The following STK32A variants were observed in gnomAD, a reference collection of about 807,000 sequenced individuals.
STK32A encodes serine/threonine kinase 32A.
Under a neutral mutation model 53.2 loss-of-function variants are expected in STK32A, and 41 were observed. That is an observed-to-expected ratio of 0.77 (90% confidence interval 0.60 to 1.00). The LOEUF is 1.00. Among genes scored for constraint, STK32A ranks in the 50% least tolerant of loss-of-function variants. The pLI is 0.00. For synonymous variants in STK32A, 166 were observed against 162.8 expected (o/e 1.02, Z -0.15); for missense variants, 458 against 485.8 (o/e 0.94, Z 0.54).
chr5:147,363,515 A>T (rs1201196690), intron 8 of STK32A, among the ~76,000 whole-genome samples: 1 of 152,118 alleles, frequency 6.6e-6, no homozygotes, highest in African/African-American at 2.4e-5. Flanking sequence ...TGCACTCTGG[A>T]CCTGTAGTGG....
chr5:147,266,212 T>C (rs944173087), intron 2 of STK32A, among the ~76,000 whole-genome samples: 1 of 152,122 alleles, frequency 6.6e-6, no homozygotes, highest in African/African-American at 2.4e-5. Context: ...CTTAGGAGAG[T>C]TGGCGGTTGT....
In STK32A at chr5:147,381,675, T is replaced by C. The variant is rs149732571; in HGVS notation, c.1033-1766T>C. Among the ~76,000 whole-genome samples, 24 of 152,108 alleles carry C rather than the reference T, an allele frequency of 1.6e-4. No individual in the cohort carries two copies. The East Asian group carries it at 4.1e-3, about 26-fold the overall frequency. On this transcript the variant is annotated intron_variant, in intron 11 of 12. Transcript: ENST00000397936. ...AAAAAAGGAAAGTTTGATTATATTA[T>C]GTGTCAATGTGGGTCTTTTTGAATT...
intron 4 of STK32A, among the ~76,000 whole-genome samples, chr5:147,280,411 G>A (rs1417191638): frequency 2.0e-5 from 3 of 151,104 alleles, no homozygotes; most frequent in African/African-American, 7.3e-5. Flanking sequence ...TGTGTTGGCG[G>A]GGGAGGGGGG....
chr5:147,236,900 A>G (rs1753346765), intron 1 of STK32A, among the ~76,000 whole-genome samples: 1 of 152,216 alleles, frequency 6.6e-6, no homozygotes, highest in Admixed American at 6.5e-5. Context: ...GTGTGAAGAA[A>G]GATATAAGAA....
intron 12 of STK32A, 74 bp downstream of exon 12, chr5:147,383,579 A>G: frequency 8.5e-7 from 1 of 1,178,048 alleles, no homozygotes; most frequent in Non-Finnish European, 1.2e-6. Context: ...TGCAGAGAAA[A>G]TATATTTTTA....
chr5:147,243,583 C>CA lies in STK32A; in HGVS notation c.52+3905dup, dbSNP rs55986995. 3.6e-5 allele frequency among the ~76,000 whole-genome samples: 5 copies of CA among 138,424 alleles called. 1 individual carries two copies. The highest frequency in any genetic ancestry group is 2.1e-4 in the East Asian group (1 of 4,826). The allele number at this position is 138,424 out of a possible 152,430, so 90.8% of individuals were successfully genotyped here. On this transcript the variant is annotated intron_variant, in intron 2 of 12. Transcript: ENST00000397936. ...GAAACCCCATCTCTACTAAAAAATA[C>CA]AAAAAAAATTAGCTGGGCATGCCAG... is the stretch of plus-strand genomic sequence containing the variant.
At chr5:147,262,357 T>C (rs966809395) in intron 2 of STK32A, among the ~76,000 whole-genome samples, 1 of 152,148 alleles carries the variant, frequency 6.6e-6, no homozygotes, top group African/African-American at 2.4e-5. Flanking sequence ...AATATATGTC[T>C]AAAAATGATT....
Position 147,314,507 on chromosome 5 carries a change from C to CAAAAAAAACAAAAAAAAAAAA in STK32A, c.261-9383_261-9382insCAAAAAAAAAAAAAAAAAAAA, listed in dbSNP as rs1561713376. On this transcript the variant is annotated intron_variant, in intron 4 of 12. Coordinates refer to ENST00000397936, the MANE Select transcript of STK32A (RefSeq NM_001112724.2). ...GAGCGAAACTCCATATCAAAAAAAA[C>CAAAAAAAACAAAAAAAAAAAA]AAAAAAAAACAAAAAAAAACAAAAA... Among the ~76,000 whole-genome samples the CAAAAAAAACAAAAAAAAAAAA allele has an allele frequency of 1.3e-3, 16 of 12,766 alleles. 1 individual carries two copies. Among genetic ancestry groups the CAAAAAAAACAAAAAAAAAAAA allele is most frequent in the Admixed American group, 2.1e-3 (2 of 950 alleles). 8.4% of individuals were successfully genotyped at this position (12,766 alleles called of 152,430 possible).
rs1228299590 is a variant in STK32A, at chr5:147,299,251, T to C, written c.260+19853T>C. ...ATCATATAGGGTAACTTCCTGACAT[T>C]GCCATGGCATTTGTAAACTGTCATG... On this transcript the variant is annotated intron_variant, in intron 4 of 12. Coordinates refer to ENST00000397936, the MANE Select transcript of STK32A (RefSeq NM_001112724.2). 2.6e-5 allele frequency among the ~76,000 whole-genome samples: 4 copies of C among 152,130 alleles called. No individual in the cohort carries two copies. In the East Asian group the frequency reaches 7.7e-4, roughly 29 times the overall value.
At chr5:147,339,392 G>A (rs142172150) in intron 5 of STK32A, among the ~76,000 whole-genome samples, 36 of 152,326 alleles carry the variant, frequency 2.4e-4, no homozygotes, top group South Asian at 6.2e-4. Flanking sequence ...TAGATGTCCC[G>A]ACAGAGTTGT....
At chr5:147,238,614 T>C (rs1243598014) in intron 1 of STK32A, among the ~76,000 whole-genome samples, 1 of 152,172 alleles carries the variant, frequency 6.6e-6, no homozygotes, top group Non-Finnish European at 1.5e-5. Flanking sequence ...TATGAAAATG[T>C]TTTGTGTATT....
intron 4 of STK32A, among the ~76,000 whole-genome samples, chr5:147,304,878 G>A (rs1753327401): frequency 6.6e-6 from 1 of 152,128 alleles, no homozygotes; most frequent in Non-Finnish European, 1.5e-5. Flanking sequence ...GGGAGGCTGA[G>A]GCAGGAGGAT....
chr5:147,333,337 T>C (rs984581431), intron 5 of STK32A, among the ~76,000 whole-genome samples: 1 of 152,230 alleles, frequency 6.6e-6, no homozygotes, highest in African/African-American at 2.4e-5. Flanking sequence ...TAGATATATA[T>C]AATGCATATA....
intron 4 of STK32A, among the ~76,000 whole-genome samples, chr5:147,291,339 C>G (rs953529718): frequency 1.3e-5 from 2 of 152,038 alleles, no homozygotes; most frequent in Admixed American, 6.6e-5. Context: ...AAGGATGAGT[C>G]TTAGTGGGGA....
intron 5 of STK32A, among the ~76,000 whole-genome samples, chr5:147,337,210 C>T (rs1755178278): frequency 6.6e-6 from 1 of 152,168 alleles, no homozygotes. Flanking sequence ...TTCAGCAGGA[C>T]ATGGCTCTTT....
intron 4 of STK32A, among the ~76,000 whole-genome samples, chr5:147,321,508 G>T (rs1400067826): frequency 6.6e-6 from 1 of 152,202 alleles, no homozygotes; most frequent in Non-Finnish European, 1.5e-5. Context: ...GCCAAGGAAA[G>T]CATGTTGCCT....
In STK32A at chr5:147,239,642, C is replaced by A. The variant is rs780042168; in HGVS notation, c.8C>A (p.Ala3Glu). The change falls in exon 2 of 13, where the codon GCG becomes GAG. Residue 3 changes from alanine (A) to glutamate (E), a missense_variant. By Grantham distance (107) the Ala-to-Glu change is moderately radical (BLOSUM62 -1). Transcript: ENST00000397936. Reference sequence around the variant, plus strand: ...GTCTGGGCAGATTCAACCATGGGAGCGAACACTTCAAGAAAACCACCAGTG... The same window carrying A: ...GTCTGGGCAGATTCAACCATGGGAGAGAACACTTCAAGAAAACCACCAGTG... MG[A>E]NTSRKPPVFD... The A allele has an allele frequency of 1.2e-6, 2 of 1,607,572 alleles. No homozygotes were observed. Among genetic ancestry groups the A allele is most frequent in the Admixed American group, 3.4e-5 (2 of 59,350 alleles).
chr5:147,270,341 T>C (rs868819615), intron 2 of STK32A, among the ~76,000 whole-genome samples: 4 of 152,052 alleles, frequency 2.6e-5, no homozygotes, highest in Middle Eastern at 3.4e-3. Flanking sequence ...GCCTCCCAAG[T>C]AGATGGGACC....
chr5:147,283,785 G>C (rs1055683692), intron 4 of STK32A, among the ~76,000 whole-genome samples: 44 of 152,036 alleles, frequency 2.9e-4, no homozygotes, highest in Admixed American at 2.9e-3. Flanking sequence ...CAAGCAGCGA[G>C]ATTGAAACGG....
Sources: gnomAD v4.1 joint callset for allele counts (sites outside exome capture counted in the v4.1 genomes callset) on GRCh38, gnomAD v4.1.1 for gene constraint, MANE v1.5 for transcripts, NCBI Gene and HGNC (gene_info 2026-07-23, HGNC 2026-07-21) for gene names.